The following ARHGEF7 variants were observed in gnomAD, a reference collection of about 807,000 sequenced individuals.
ARHGEF7 encodes PAK-interacting exchange factor beta.
In ARHGEF7, 33 loss-of-function variants were observed where a neutral mutation model predicts 109.8. The observed-to-expected ratio is 0.30, with a 90% CI of 0.23 to 0.40. The LOEUF is 0.40. ARHGEF7 is among the 10% of genes least tolerant of loss of function. The pLI is 1.00. For synonymous variants in ARHGEF7, 458 were observed against 424.6 expected (o/e 1.08, Z -0.97); for missense variants, 938 against 1,098.5 (o/e 0.85, Z 2.07).
rs1458130143 is a variant in ARHGEF7 at position 111,273,925 on chromosome 13, G to C, written c.1185G>C (p.Leu395=). 6.2e-6 allele frequency: 10 copies of C among 1,614,124 alleles called. No homozygotes were observed. The highest frequency in any genetic ancestry group is 8.5e-6 in the Non-Finnish European group (10 of 1,180,020). ...PFMRLDKYPT[L]LKELERHMED... is the part of the protein sequence containing the mutation. ...TGCGCCTGGATAAATACCCTACGCTGCTCAAAGAGCTCGAGAGACACATGG... is the reference window on the plus strand; with the variant it reads ...TGCGCCTGGATAAATACCCTACGCTCCTCAAAGAGCTCGAGAGACACATGG... Residue 395 remains leucine, a synonymous_variant, in exon 10 of 22, where the codon CTG becomes CTC. Transcript: ENST00000646102. The surrounding 1 kb of genome is among the most constrained non-coding windows in gnomAD (Gnocchi z 4.5).
chr13:111,176,460 T>G (rs184522680), intron 2 of ARHGEF7, among the ~76,000 whole-genome samples: 24 of 152,300 alleles, frequency 1.6e-4, no homozygotes, highest in Non-Finnish European at 3.1e-4. Context: ...CTGGAACTTG[T>G]GTTTTGCTTC....
chr13:111,278,785 A>C (rs2092628313), intron 13 of ARHGEF7, among the ~76,000 whole-genome samples: 1 of 152,198 alleles, frequency 6.6e-6, no homozygotes, highest in South Asian at 2.1e-4. Context: ...ATATCCCCAG[A>C]ATCTCATTCC....
chr13:111,193,341 G>A (rs1456377374), intron 2 of ARHGEF7, among the ~76,000 whole-genome samples: 1 of 152,156 alleles, frequency 6.6e-6, no homozygotes, highest in Non-Finnish European at 1.5e-5. Flanking sequence ...GTTCCTCCTG[G>A]CAGCAATTTT....
intron 9 of ARHGEF7, among the ~76,000 whole-genome samples, chr13:111,268,822 T>C (rs1024007432): frequency 2.0e-5 from 3 of 152,270 alleles, no homozygotes; most frequent in African/African-American, 7.2e-5. Context: ...AAATGCTCAG[T>C]GAATATTCTG....
intron 18 of ARHGEF7, among the ~76,000 whole-genome samples, chr13:111,290,129 TG>T (rs1405185604): frequency 1.3e-5 from 2 of 152,262 alleles, no homozygotes; most frequent in African/African-American, 4.8e-5. Context: ...TTTTGGATTT[TG>T]AATTTGAGAT....
Position 111,200,801 on chromosome 13 carries a change from G to C in ARHGEF7, c.253-4488G>C, listed in dbSNP as rs139097772. On this transcript the variant is annotated intron_variant, in intron 2 of 21. Coordinates refer to ENST00000646102, the MANE Select transcript of ARHGEF7 (RefSeq NM_001354046.2). ...GGTTTATCCAAAACGGTCCAGTGCAGGGCCCCTTCTGGCATCTGGAATCTC... is the reference window on the plus strand; with the variant it reads ...GGTTTATCCAAAACGGTCCAGTGCACGGCCCCTTCTGGCATCTGGAATCTC... 8.9e-4 allele frequency among the ~76,000 whole-genome samples: 136 copies of C among 152,310 alleles called. 2 individuals carry two copies. In the East Asian group the frequency reaches 0.021, roughly 24 times the overall value.
In ARHGEF7 at chr13:111,273,051, T is replaced by C. The variant is rs1171499130; in HGVS notation, c.1074-763T>C. On this transcript the variant is annotated intron_variant, in intron 9 of 21. Transcript: ENST00000646102. The surrounding 1 kb of genome is among the most constrained non-coding windows in gnomAD (Gnocchi z 4.5). ...AATACAGAAAGTTCTAAAACTTGTT[T>C]CTGACTCTTTAATTTTGGGATATGC... 2.0e-5 allele frequency among the ~76,000 whole-genome samples: 3 copies of C among 152,190 alleles called. No homozygotes were observed. Among genetic ancestry groups the C allele is most frequent in the African/African-American group, 7.2e-5 (3 of 41,456 alleles).
chr13:111,155,983 G>T (rs2076291669), intron 2 of ARHGEF7, among the ~76,000 whole-genome samples: 1 of 151,670 alleles, frequency 6.6e-6, no homozygotes, highest in East Asian at 1.9e-4. Flanking sequence ...TACTCAGGTG[G>T]CTGAGACAGG....
At chr13:111,205,969 G>A (rs777903387) in intron 3 of ARHGEF7, among the ~76,000 whole-genome samples, 3 of 152,232 alleles carry the variant, frequency 2.0e-5, no homozygotes, top group Non-Finnish European at 2.9e-5. Flanking sequence ...TCTGAGGGAA[G>A]GTGCATGTTG....
rs920172796 is a variant in ARHGEF7 at position 111,131,365 on chromosome 13, G to A, written c.165+15674G>A. On this transcript the variant is annotated intron_variant, in intron 1 of 21. Coordinates refer to ENST00000646102, the MANE Select transcript of ARHGEF7 (RefSeq NM_001354046.2). This position sits in a 1 kb window ranked among gnomAD's most constrained non-coding sequence, Gnocchi z 4.4. ...GGTCGCCTGTGCTGGAGCCCTGGGC[G>A]AGGCTTACCTAGGTTTGGGGCAAGG... is the stretch of plus-strand genomic sequence containing the variant. Among the ~76,000 whole-genome samples the A allele has an allele frequency of 1.4e-4, 22 of 152,110 alleles. No individual in the cohort carries two copies. Among genetic ancestry groups the A allele is most frequent in the African/African-American group, 4.8e-4 (20 of 41,422 alleles).
intron 6 of ARHGEF7, among the ~76,000 whole-genome samples, chr13:111,240,910 A>G (rs1477452470): frequency 6.6e-6 from 1 of 152,232 alleles, no homozygotes; most frequent in African/African-American, 2.4e-5. Flanking sequence ...TGTTGATGAC[A>G]TAAACATATA....
intron 18 of ARHGEF7, among the ~76,000 whole-genome samples, chr13:111,290,430 G>T (rs1043421152): frequency 7.2e-5 from 11 of 152,240 alleles, no homozygotes; most frequent in Non-Finnish European, 1.5e-4. Flanking sequence ...GGGAGGTTGT[G>T]TGTAGGTACA....
chr13:111,171,054 T>A (rs183990858), intron 2 of ARHGEF7, among the ~76,000 whole-genome samples: 35 of 152,394 alleles, frequency 2.3e-4, no homozygotes, highest in African/African-American at 7.9e-4. Flanking sequence ...TTTCTTTTTT[T>A]AAAATTATTG....
In ARHGEF7 at chr13:111,280,832, C is replaced by G. The variant is rs1294712040; in HGVS notation, c.1725+155C>G. 3 of 840,728 alleles carry G rather than the reference C, an allele frequency of 3.6e-6. No homozygotes were observed. The African/African-American group carries it at 5.2e-5, about 15-fold the overall frequency. The allele number at this position is 840,728 out of a possible 1,614,324, so 52.1% of individuals were successfully genotyped here. On this transcript the variant is annotated intron_variant, in intron 15 of 21. Coordinates refer to ENST00000646102, the MANE Select transcript of ARHGEF7 (RefSeq NM_001354046.2). ...CATTTCTCTGCAGATCTTTGGCCCT[C>G]TTCGTGCAGTAGTGAATTGTTTTCC...
At chr13:111,184,638 G>C (rs2079073680) in intron 2 of ARHGEF7, among the ~76,000 whole-genome samples, 1 of 152,226 alleles carries the variant, frequency 6.6e-6, no homozygotes, top group Non-Finnish European at 1.5e-5. Flanking sequence ...CTGGAGGGAG[G>C]GGGAGATGTG....
rs1419140491 is a variant in ARHGEF7, at chr13:111,233,286, A to G, written c.752A>G (p.Tyr251Cys). ...FDTTAINKSY[Y>C]NVVLQNILET... ...ACGACTGCCATAAACAAAAGCTATTACAATGTGGTGAGTAATTGCAGAACA... is the reference window on the plus strand; with the variant it reads ...ACGACTGCCATAAACAAAAGCTATTGCAATGTGGTGAGTAATTGCAGAACA... Residue 251 changes from tyrosine (Y) to cysteine (C), a missense_variant, in exon 6 of 22, where the codon TAC becomes TGC. Coordinates refer to ENST00000646102, the MANE Select transcript of ARHGEF7 (RefSeq NM_001354046.2). The G allele has an allele frequency of 6.2e-7, 1 of 1,613,388 alleles. No homozygotes were observed. Among genetic ancestry groups the G allele is most frequent in the East Asian group, 2.2e-5 (1 of 44,900 alleles).
chr13:111,212,888 G>A (rs537945951), intron 4 of ARHGEF7, among the ~76,000 whole-genome samples: 7 of 152,248 alleles, frequency 4.6e-5, no homozygotes, highest in African/African-American at 1.4e-4. Context: ...GAATATAAAG[G>A]CATTGTCTAA....
At chr13:111,226,000 A>C (rs2085164537) in intron 5 of ARHGEF7, among the ~76,000 whole-genome samples, 1 of 152,256 alleles carries the variant, frequency 6.6e-6, no homozygotes, top group South Asian at 2.1e-4. Context: ...CTGTTGCACC[A>C]GTCAGTCGTG....
rs1566872005 is a variant in ARHGEF7, at chr13:111,221,369, A to ATATATATCTATATATATAGATGTC, written c.670+3530_670+3553dup. ...TATATATGTCTATATATATATCTAT[A>ATATATATCTATATATATAGATGTC]TATATATCTATATATATAGATGTCT... is the stretch of plus-strand genomic sequence containing the variant. On this transcript the variant is annotated intron_variant, in intron 5 of 21. Transcript: ENST00000646102. 3.7e-3 allele frequency among the ~76,000 whole-genome samples: 117 copies of ATATATATCTATATATATAGATGTC among 31,390 alleles called. 52 individuals carry two copies. Among genetic ancestry groups the ATATATATCTATATATATAGATGTC allele is most frequent in the African/African-American group, 0.014 (111 of 7,748 alleles). The allele number at this position is 31,390 out of a possible 152,430, so 20.6% of individuals were successfully genotyped here. A position where few individuals can be genotyped will look rare whatever the true frequency, so the allele number is the denominator to read the frequency against.
Sources: allele counts gnomAD v4.1 joint callset (sites outside exome capture counted in the v4.1 genomes callset), GRCh38; gene constraint gnomAD v4.1.1; non-coding constraint Gnocchi (gnomAD v3.1); transcripts MANE v1.5; gene names NCBI Gene and HGNC (gene_info 2026-07-23, HGNC 2026-07-21).